Variants in TSNARE1 observed in about 807,000 individuals in gnomAD.
TSNARE1 encodes t-SNARE domain containing 1, also known as t-SNARE domain-containing protein 1.
A neutral mutation model predicts 62.0 loss-of-function variants in TSNARE1; 49 were observed. The observed-to-expected ratio is 0.79, with a 90% CI of 0.63 to 1.00. TSNARE1 has a LOEUF of 1.00. TSNARE1 is among the 50% of genes least tolerant of loss of function. The probability of loss-of-function intolerance (pLI) is 0.00; values close to 1 mark genes in which losing one functional copy is unlikely to be tolerated. For synonymous variants in TSNARE1, 328 were observed against 294.4 expected (o/e 1.11, Z -1.17); for missense variants, 755 against 700.1 (o/e 1.08, Z -0.88).
chr8:142,336,158 G>C lies in TSNARE1; in HGVS notation c.746-4327C>G, dbSNP rs528280559. On this transcript the variant is annotated intron_variant, in intron 4 of 13. Coordinates refer to ENST00000524325, the MANE Select transcript of TSNARE1 (RefSeq NM_145003.5). ...TGGCCAGCTGTGGTGATGTACACCT[G>C]CAGTCTCAGCTACTTGAAATGCTGA... is the stretch of plus-strand genomic sequence containing the variant. Among the ~76,000 whole-genome samples the C allele has an allele frequency of 2.6e-5, 4 of 152,048 alleles. No individual in the cohort carries two copies. In the East Asian group the frequency reaches 7.7e-4, roughly 29 times the overall value.
At chr8:142,216,106 CCTTCCCCA>C (rs1815820419) in intron 13 of TSNARE1, among the ~76,000 whole-genome samples, 1 of 152,150 alleles carries the variant, frequency 6.6e-6, no homozygotes, top group Admixed American at 6.5e-5. Flanking sequence ...AAGCCATGAG[CCTTCCCCA>C]CTCCCTGCCG....
intron 13 of TSNARE1, among the ~76,000 whole-genome samples, chr8:142,221,504 A>C (rs1816207940): frequency 6.6e-6 from 1 of 152,242 alleles, no homozygotes; most frequent in Non-Finnish European, 1.5e-5. Flanking sequence ...CTTATGAAAA[A>C]TACTTGATTG....
At chr8:142,372,590 C>G (rs968013944) in intron 1 of TSNARE1, among the ~76,000 whole-genome samples, 1 of 152,170 alleles carries the variant, frequency 6.6e-6, no homozygotes, top group Admixed American at 6.5e-5. Flanking sequence ...GGCAAAGGGG[C>G]TCCTGCCTGG....
intron 10 of TSNARE1, among the ~76,000 whole-genome samples, chr8:142,285,097 A>C (rs982886830): frequency 2.6e-5 from 4 of 152,138 alleles, no homozygotes; most frequent in African/African-American, 7.2e-5. Context: ...AGGATGATGG[A>C]CAGATGCGTG....
intron 1 of TSNARE1, among the ~76,000 whole-genome samples, chr8:142,398,853 C>A (rs1838088268): frequency 1.3e-5 from 2 of 152,178 alleles, no homozygotes; most frequent in South Asian, 4.1e-4. Flanking sequence ...CCTAACAGGA[C>A]CTACCCAAGG....
chr8:142,261,313 G>T (rs1484202830), intron 12 of TSNARE1, among the ~76,000 whole-genome samples: 1 of 130,834 alleles, frequency 7.6e-6, no homozygotes, highest in Non-Finnish European at 1.7e-5. Context: ...AGAGAGGAAG[G>T]AGGGATGGAG....
At chr8:142,244,956 T>C (rs1346173964) in intron 12 of TSNARE1, among the ~76,000 whole-genome samples, 3 of 152,250 alleles carry the variant, frequency 2.0e-5, no homozygotes, top group Non-Finnish European at 2.9e-5. Flanking sequence ...CACGCACCTG[T>C]GTGCAGACGC....
intron 11 of TSNARE1, among the ~76,000 whole-genome samples, chr8:142,282,722 A>C: frequency 6.8e-6 from 1 of 147,820 alleles, no homozygotes; most frequent in Non-Finnish European, 1.5e-5. Flanking sequence ...CAATGAGCGG[A>C]GGGGAGGCCA....
intron 13 of TSNARE1, among the ~76,000 whole-genome samples, chr8:142,223,817 T>C (rs1394854151): frequency 6.6e-6 from 1 of 152,134 alleles, no homozygotes; most frequent in Non-Finnish European, 1.5e-5. Context: ...AGATCATGGA[T>C]AAGGAGAGAG....
chr8:142,271,354 T>G, intron 12 of TSNARE1: 2 of 1,193,466 alleles, frequency 1.7e-6, no homozygotes, highest in Non-Finnish European at 2.1e-6. Context: ...GGGCCATGAG[T>G]GTGCTCTGCT....
At chr8:142,308,474 T>C (rs1827050310) in intron 9 of TSNARE1, among the ~76,000 whole-genome samples, 2 of 152,244 alleles carry the variant, frequency 1.3e-5, no homozygotes, top group Middle Eastern at 3.4e-3. Context: ...CCACCTCCCG[T>C]GGCAGGGCAG....
At position 142,330,930 on chromosome 8, in the gene TSNARE1, C is replaced by A; in HGVS notation, c.864G>T (p.Pro288=). 5.6e-6 allele frequency: 9 copies of A among 1,614,110 alleles called. No homozygotes were observed. The highest frequency in any genetic ancestry group is 7.6e-6 in the Non-Finnish European group (9 of 1,180,008). Residue 288 remains proline, a synonymous_variant, in exon 6 of 14, where the codon CCG becomes CCT. Transcript: ENST00000524325. ...LERSLQSLGT[P]SDTQELRDSL... ...TGTCCCGAAGCTCCTGCGTGTCACT[C>A]GGTGTCCCTAAGGACTGAAGGCTCC...
At chr8:142,385,185 GAAACAACACTCGAGGTCA>G (rs1343657442) in intron 1 of TSNARE1, among the ~76,000 whole-genome samples, 3 of 152,062 alleles carry the variant, frequency 2.0e-5, no homozygotes, top group African/African-American at 7.2e-5. Flanking sequence ...AGATTCCTCT[GAAACAACACTCGAGGTCA>G]AAAGACAATA....
chr8:142,305,868 C>T (rs1421524644), intron 9 of TSNARE1, among the ~76,000 whole-genome samples: 1 of 152,208 alleles, frequency 6.6e-6, no homozygotes, highest in African/African-American at 2.4e-5. Context: ...AGGGAAGAGA[C>T]ATGCTCTAAC....
intron 13 of TSNARE1, among the ~76,000 whole-genome samples, chr8:142,225,474 T>C (rs2130010863): frequency 6.8e-6 from 1 of 146,892 alleles, no homozygotes; most frequent in Admixed American, 6.7e-5. Context: ...GGGCTGTACC[T>C]TAACTGTCCA....
At chr8:142,270,874 C>T (rs1819466473) in intron 12 of TSNARE1, 1 of 985,478 alleles carries the variant, frequency 1.0e-6, no homozygotes, top group East Asian at 1.1e-4. Context: ...GCAGCCTTTC[C>T]CTGCAGGTCA....
intron 10 of TSNARE1, among the ~76,000 whole-genome samples, chr8:142,297,347 G>A (rs936122838): frequency 1.3e-5 from 2 of 152,332 alleles, no homozygotes; most frequent in Admixed American, 6.5e-5. Context: ...ACCAGGAATC[G>A]CGCAACACTG....
chr8:142,351,504 C>T (rs1455158782), intron 2 of TSNARE1, among the ~76,000 whole-genome samples: 1 of 152,132 alleles, frequency 6.6e-6, no homozygotes, highest in East Asian at 1.9e-4. Flanking sequence ...AAGACGTGTG[C>T]TTGTTCACGG....
intron 9 of TSNARE1, among the ~76,000 whole-genome samples, chr8:142,307,693 A>G (rs1386158690): frequency 6.6e-6 from 1 of 152,218 alleles, no homozygotes; most frequent in African/African-American, 2.4e-5. Context: ...GGTGGAATCC[A>G]TGGATGTGAA....
Sources: allele counts gnomAD v4.1 joint callset (sites outside exome capture counted in the v4.1 genomes callset), GRCh38; gene constraint gnomAD v4.1.1; transcripts MANE v1.5; gene names NCBI Gene and HGNC (gene_info 2026-07-23, HGNC 2026-07-21).